Variants in DCAF10 observed in about 807,000 individuals in gnomAD.
DCAF10 encodes DDB1- and CUL4-associated factor 10.
DCAF10 carries 19 observed loss-of-function variants against 51.9 expected under a neutral mutation model. The ratio of observed to expected loss-of-function variants is 0.37; its 90% CI spans 0.26 to 0.54. The LOEUF (loss-of-function observed/expected upper bound fraction) is 0.54. Among genes scored for constraint, DCAF10 ranks in the 20% least tolerant of loss-of-function variants. The pLI is 0.87. For missense variants in DCAF10, 510 were observed against 730.6 expected, an observed-to-expected ratio of 0.70 and a Z score of 3.48; for synonymous variants, 291 against 297.1, an observed-to-expected ratio of 0.98 and a Z score of 0.21.
At chr9:37,838,786 G>T (rs1488653822) in intron 2 of DCAF10, among the ~76,000 whole-genome samples, 1 of 151,780 alleles carries the variant, frequency 6.6e-6, no homozygotes, top group Non-Finnish European at 1.5e-5. Flanking sequence ...AGCTACTCTG[G>T]AGGCTGAGGC....
intron 1 of DCAF10, among the ~76,000 whole-genome samples, chr9:37,816,995 A>T (rs1360426172): frequency 6.6e-6 from 1 of 152,218 alleles, no homozygotes; most frequent in African/African-American, 2.4e-5. Context: ...TTGCTTTGCC[A>T]CATAGCAAAT....
intron 2 of DCAF10, among the ~76,000 whole-genome samples, chr9:37,824,428 GA>G (rs1207942318): frequency 2.6e-5 from 4 of 151,496 alleles, no homozygotes; most frequent in Non-Finnish European, 4.4e-5. Flanking sequence ...TATATGTAAT[GA>G]AAAAAACTGA....
In DCAF10 at chr9:37,855,158, A is replaced by G. The variant is rs556481399; in HGVS notation, c.1054+176A>G. On this transcript the variant is annotated intron_variant, in intron 4 of 6. Coordinates refer to ENST00000377724, the MANE Select transcript of DCAF10 (RefSeq NM_024345.5). ...TAAGCAAGTATAATGATTTGTATGT[A>G]TCTCTGACATATCATTCATATGTAC... Among the ~76,000 whole-genome samples, 26 of 152,320 alleles carry G rather than the reference A, an allele frequency of 1.7e-4. No homozygotes were observed. The South Asian group carries it at 4.6e-3, about 27-fold the overall frequency.
chr9:37,836,355 A>G lies in DCAF10; in HGVS notation c.654-5734A>G, dbSNP rs200880447. The G allele has an allele frequency of 5.7e-5, 92 of 1,610,758 alleles. 1 individual carries two copies. The highest frequency in any genetic ancestry group is 2.2e-4 in the Middle Eastern group (1 of 4,588). On this transcript the variant is annotated intron_variant, in intron 2 of 6. Transcript: ENST00000377724. Reference sequence around the variant, plus strand: ...GTTACCAGAACACATCAAGGAGCCAATCTGGGAAACACTATCAGAAGAAAA... The same window carrying G: ...GTTACCAGAACACATCAAGGAGCCAGTCTGGGAAACACTATCAGAAGAAAA...
intron 5 of DCAF10, chr9:37,858,589 T>C (rs1166768996): frequency 6.6e-6 from 1 of 151,996 alleles, no homozygotes; most frequent in African/African-American, 2.4e-5. Flanking sequence ...GAAGAGATGA[T>C]ATATGAGGAG....
intron 3 of DCAF10, among the ~76,000 whole-genome samples, chr9:37,848,940 T>TC (rs1179255015): frequency 7.1e-6 from 1 of 139,980 alleles, no homozygotes; most frequent in African/African-American, 2.7e-5. Context: ...GCCACTGCTC[T>TC]CCAGCCTGGG....
chr9:37,857,275 A>G lies in DCAF10; in HGVS notation c.1089A>G (p.Arg363=). ...CTTCATCAAGTTCATCTGGTCCTAG[A>G]GTTTCTGGCTCACCTTGTCATCATA... ...LTTSSSSSGP[R]VSGSPCHHSD... The change falls in exon 5 of 7, where the codon AGA becomes AGG. Residue 363 remains arginine, a synonymous_variant. Transcript: ENST00000377724. 1.9e-6 allele frequency: 3 copies of G among 1,609,862 alleles called. No individual in the cohort carries two copies. The highest frequency in any genetic ancestry group is 2.2e-5 in the East Asian group (1 of 44,570).
intron 2 of DCAF10, among the ~76,000 whole-genome samples, chr9:37,834,266 A>G (rs1830088389): frequency 6.6e-6 from 1 of 152,108 alleles, no homozygotes; most frequent in Non-Finnish European, 1.5e-5. Context: ...GTTTTACTAA[A>G]CAGCAACTTC....
At chr9:37,846,322 A>C (rs920143077) in intron 3 of DCAF10, among the ~76,000 whole-genome samples, 1 of 152,162 alleles carries the variant, frequency 6.6e-6, no homozygotes, top group Admixed American at 6.5e-5. Context: ...AGGAGATATC[A>C]TAACCAACCT....
chr9:37,860,094 T>C lies in DCAF10; in HGVS notation c.1212T>C (p.Leu404=), dbSNP rs144915659. 42 of 1,614,140 alleles carry C rather than the reference T, an allele frequency of 2.6e-5. No homozygotes were observed. The African/African-American group carries it at 4.9e-4, about 19-fold the overall frequency. The change falls in exon 6 of 7, where the codon CTT becomes CTC. Residue 404 remains leucine (L), a synonymous_variant. Transcript: ENST00000377724. ...TTGAAGTCGTAACCCCTGAAGTTCT[T>C]GGTGAGAGTGACCACGGAAACTGCA... ...NSLEVVTPEV[L]GESDHGNCIT...
intron 2 of DCAF10, chr9:37,836,181 C>G: frequency 1.4e-6 from 2 of 1,452,600 alleles, no homozygotes; most frequent in Non-Finnish European, 9.7e-7. Context: ...TTATAAGAAG[C>G]ACGGAGTTCA....
chr9:37,852,929 GTT>G (rs1830710094), intron 3 of DCAF10, among the ~76,000 whole-genome samples: 4 of 77,312 alleles, frequency 5.2e-5, no homozygotes, highest in African/African-American at 1.8e-4. Flanking sequence ...AGTATGTGAG[GTT>G]ATATATATAT....
At chr9:37,827,493 C>T (rs1404996344) in intron 2 of DCAF10, among the ~76,000 whole-genome samples, 1 of 151,940 alleles carries the variant, frequency 6.6e-6, no homozygotes, top group African/African-American at 2.4e-5. Flanking sequence ...ATATCCTGAA[C>T]AATGTTTCTA....
chr9:37,805,754 G>A (rs1393153083), intron 1 of DCAF10, among the ~76,000 whole-genome samples: 1 of 152,142 alleles, frequency 6.6e-6, no homozygotes, highest in Non-Finnish European at 1.5e-5. Flanking sequence ...AACATTACTA[G>A]TTGCAATAAC....
chr9:37,827,871 G>C (rs980643657), intron 2 of DCAF10, among the ~76,000 whole-genome samples: 2 of 152,060 alleles, frequency 1.3e-5, no homozygotes, highest in Non-Finnish European at 2.9e-5. Context: ...ATTGGGGACA[G>C]AAGTAGCTGA....
chr9:37,863,773 A>G lies in DCAF10; in HGVS notation c.*2265A>G, dbSNP rs1232176600. On this transcript the variant is annotated 3_prime_UTR_variant, in exon 7 of 7. Transcript: ENST00000377724. ...CAGAAATGTTTAAACAACCCAAAAT[A>G]CATGAATAAAAATGACATTTCTTTG... 6.6e-6 allele frequency: 1 copy of G among 152,214 alleles called. No homozygotes were observed. The highest frequency in any genetic ancestry group is 1.9e-4 in the East Asian group (1 of 5,204). 9.4% of individuals were successfully genotyped at this position (152,214 alleles called of 1,614,324 possible).
Position 37,800,946 on chromosome 9 carries a change from G to C in DCAF10, c.80G>C (p.Gly27Ala). 2.7e-6 allele frequency: 4 copies of C among 1,500,646 alleles called. No homozygotes were observed. The highest frequency in any genetic ancestry group is 3.5e-6 in the Non-Finnish European group (4 of 1,132,052). The allele number at this position is 1,500,646 out of a possible 1,614,324, so 93.0% of individuals were successfully genotyped here. A position where few individuals can be genotyped will look rare whatever the true frequency, so the allele number is the denominator to read the frequency against. The change falls in exon 1 of 7, where the codon GGG becomes GCG. Residue 27 changes from glycine (G) to alanine (A), a missense_variant. Coordinates refer to ENST00000377724, the MANE Select transcript of DCAF10 (RefSeq NM_024345.5). Reference sequence around the variant, plus strand: ...GCTGAGGAGCCGACGCCCCACGAGGGGCAGGCAGCAGCCACCGGGCCGCCC... The same window carrying C: ...GCTGAGGAGCCGACGCCCCACGAGGCGCAGGCAGCAGCCACCGGGCCGCCC... ...AGAEEPTPHE[G>A]QAAATGPPSP...
At chr9:37,837,296 T>A (rs1425546199) in intron 2 of DCAF10, among the ~76,000 whole-genome samples, 2 of 151,582 alleles carry the variant, frequency 1.3e-5, no homozygotes, top group African/African-American at 2.4e-5. Flanking sequence ...CCGTCTCTAC[T>A]AAAAATACAA....
At chr9:37,807,028 A>G (rs1829135308) in intron 1 of DCAF10, among the ~76,000 whole-genome samples, 1 of 152,214 alleles carries the variant, frequency 6.6e-6, no homozygotes, top group Non-Finnish European at 1.5e-5. Flanking sequence ...TATTTTTGTG[A>G]CTTAGTTATT....
Sources: gnomAD v4.1 joint callset for allele counts (sites outside exome capture counted in the v4.1 genomes callset) on GRCh38, gnomAD v4.1.1 for gene constraint, MANE v1.5 for transcripts, NCBI Gene and HGNC (gene_info 2026-07-23, HGNC 2026-07-21) for gene names.